RARB: variants seen among roughly 807,000 people sequenced by gnomAD.
RARB encodes HBV-activated protein.
RARB carries 17 observed loss-of-function variants against 51.9 expected under a neutral mutation model. The ratio of observed to expected loss-of-function variants is 0.33; its 90% CI spans 0.22 to 0.49. The LOEUF is 0.49. Among genes scored for constraint, RARB ranks in the 20% least tolerant of loss-of-function variants. RARB has a pLI of 0.99. For missense variants in RARB, 369 were observed against 550.8 expected (o/e 0.67, Z 3.30); for synonymous variants, 215 against 195.4 (o/e 1.10, Z -0.84).
chr3:25,372,654 C>G (rs975953209), intron 5 of RARB, among the ~76,000 whole-genome samples: 8 of 152,054 alleles, frequency 5.3e-5, no homozygotes, highest in African/African-American at 1.9e-4. Context: ...GAGACCCTGT[C>G]TTTACAAAAA....
At chr3:25,123,560 TA>T (rs1430323821) in intron 3 of RARB, among the ~76,000 whole-genome samples, 2 of 152,182 alleles carry the variant, frequency 1.3e-5, no homozygotes, top group East Asian at 3.9e-4. Context: ...GCAACAGTTG[TA>T]TCACCTTTTC....
chr3:25,051,177 G>A lies in RARB; in HGVS notation c.-379-8948G>A, dbSNP rs140421681. On this transcript the variant is annotated intron_variant, in intron 2 of 11. Coordinates refer to the RARB transcript ENST00000383772. ...GTGAAAATGTCTGATTATCACAGAG[G>A]AAAAGCAGGTGTTGAGATAAAGCAG... Among the ~76,000 whole-genome samples, 27 of 152,312 alleles carry A rather than the reference G, an allele frequency of 1.8e-4. No homozygotes were observed. The East Asian group carries it at 3.5e-3, about 20-fold the overall frequency.
At chr3:25,455,692 C>T (rs1559411495) in intron 1 of RARB, among the ~76,000 whole-genome samples, 1 of 152,124 alleles carries the variant, frequency 6.6e-6, no homozygotes, top group African/African-American at 2.4e-5. Context: ...GTGCTCTGGG[C>T]GGGGACCCAC....
intron 4 of RARB, among the ~76,000 whole-genome samples, chr3:25,152,095 G>GT (rs769954670): frequency 6.6e-6 from 1 of 152,102 alleles, no homozygotes; most frequent in Non-Finnish European, 1.5e-5. Context: ...TTGAGGCTTG[G>GT]TAAAAAGCCT....
At chr3:25,180,035 A>C (rs2125356635) in intron 5 of RARB, among the ~76,000 whole-genome samples, 1 of 152,342 alleles carries the variant, frequency 6.6e-6, no homozygotes, top group African/African-American at 2.4e-5. Context: ...AAAAACAAAA[A>C]GAATATCATT....
intron 2 of RARB, among the ~76,000 whole-genome samples, chr3:24,975,604 A>G (rs1428822577): frequency 1.3e-5 from 2 of 150,652 alleles, no homozygotes; most frequent in African/African-American, 2.5e-5. Context: ...GGAAAGACTT[A>G]ACTAGTTGGT....
Position 24,992,136 on chromosome 3 carries a change from C to T in RARB, c.-379-67989C>T, listed in dbSNP as rs1235488991. Among the ~76,000 whole-genome samples the T allele has an allele frequency of 3.3e-5, 5 of 152,108 alleles. No homozygotes were observed. The East Asian group carries it at 9.6e-4, about 29-fold the overall frequency. On this transcript the variant is annotated intron_variant, in intron 2 of 11. Transcript: ENST00000383772. The stretch of plus-strand genomic sequence containing the variant: ...CCATACCGCAAACCTAATGTGCATG[C>T]CTACTTTGCTCTGTCACATCATATA...
chr3:25,471,338 T>G (rs1217408319), intron 2 of RARB, among the ~76,000 whole-genome samples: 1 of 152,202 alleles, frequency 6.6e-6, no homozygotes, highest in Non-Finnish European at 1.5e-5. Flanking sequence ...GGGCTGTTAG[T>G]GCTTTAAGAA....
intron 5 of RARB, among the ~76,000 whole-genome samples, chr3:25,239,085 G>T (rs1277456778): frequency 6.6e-6 from 1 of 152,130 alleles, no homozygotes; most frequent in Non-Finnish European, 1.5e-5. Flanking sequence ...TCATACATCA[G>T]TTGACCATTT....
chr3:24,896,370 C>T (rs1007977794), intron 2 of RARB, among the ~76,000 whole-genome samples: 1 of 152,152 alleles, frequency 6.6e-6, no homozygotes, highest in South Asian at 2.1e-4. Context: ...AGCGATCCTC[C>T]TGCTTCAGCC....
intron 3 of RARB, among the ~76,000 whole-genome samples, chr3:25,522,951 G>C (rs1698464682): frequency 6.6e-6 from 1 of 152,204 alleles, no homozygotes; most frequent in African/African-American, 2.4e-5. Flanking sequence ...ATGTTCTCCA[G>C]TTTGATGGTG....
intron 5 of RARB, among the ~76,000 whole-genome samples, chr3:25,294,400 G>A (rs1292187736): frequency 1.3e-5 from 2 of 152,084 alleles, no homozygotes; most frequent in Admixed American, 6.5e-5. Context: ...CATCCAATAA[G>A]GAAAAATAAA....
chr3:25,262,360 G>A (rs779224725), intron 5 of RARB, among the ~76,000 whole-genome samples: 13 of 152,048 alleles, frequency 8.5e-5, no homozygotes, highest in African/African-American at 1.9e-4. Context: ...ATCCTGTGTC[G>A]ATTTTTCGTG....
chr3:24,890,247 CCT>C (rs1057251017), intron 2 of RARB, among the ~76,000 whole-genome samples: 1 of 152,154 alleles, frequency 6.6e-6, no homozygotes, highest in African/African-American at 2.4e-5. Flanking sequence ...GACTCACTCT[CCT>C]CTCTTCCCAG....
chr3:24,974,174 A>G (rs1181056715), intron 2 of RARB, among the ~76,000 whole-genome samples: 1 of 151,982 alleles, frequency 6.6e-6, no homozygotes, highest in African/African-American at 2.4e-5. Flanking sequence ...GTTGAATTTT[A>G]CCAAAAGATT....
chr3:25,206,754 A>G (rs748684384), intron 5 of RARB, among the ~76,000 whole-genome samples: 97 of 152,194 alleles, frequency 6.4e-4, no homozygotes, highest in Non-Finnish European at 1.2e-3. Context: ...GTGCTAGCGT[A>G]CTATGGATGC....
chr3:24,841,352 G>C (rs1702419398), intron 1 of RARB, among the ~76,000 whole-genome samples: 1 of 152,176 alleles, frequency 6.6e-6, no homozygotes. Context: ...TTCAGTCACA[G>C]CCCATGACCA....
intron 2 of RARB, among the ~76,000 whole-genome samples, chr3:24,971,643 T>G (rs1047672490): frequency 6.6e-6 from 1 of 152,162 alleles, no homozygotes; most frequent in African/African-American, 2.4e-5. Context: ...ATAGCTGCTT[T>G]AAAAAGGACT....
chr3:25,466,332 C>T (rs1348646539), intron 2 of RARB, among the ~76,000 whole-genome samples: 2 of 152,094 alleles, frequency 1.3e-5, no homozygotes, highest in African/African-American at 2.4e-5. Context: ...GGATTACAGG[C>T]TTTACAAGCA....
Sources: gnomAD v4.1 joint callset for allele counts (sites outside exome capture counted in the v4.1 genomes callset) on GRCh38, gnomAD v4.1.1 for gene constraint, MANE v1.5 for transcripts, NCBI Gene and HGNC (gene_info 2026-07-23, HGNC 2026-07-21) for gene names.